SGMS1: variants seen among roughly 807,000 people sequenced by gnomAD.
The protein encoded by SGMS1 is phosphatidylcholine:ceramide cholinephosphotransferase 1.
In SGMS1, 13 loss-of-function variants were observed where a neutral mutation model predicts 46.2. The observed-to-expected ratio is 0.28, with a 90% confidence interval of 0.18 to 0.45. The LOEUF (loss-of-function observed/expected upper bound fraction) is 0.45. Among genes scored for constraint, SGMS1 ranks in the 20% least tolerant of loss-of-function variants. SGMS1 has a pLI of 1.00. For missense variants in SGMS1, 324 were observed against 519.9 expected (o/e 0.62, Z 3.66); for synonymous variants, 203 against 187.8 (o/e 1.08, Z -0.66).
At chr10:50,520,389 A>G (rs573247543) in intron 2 of SGMS1, among the ~76,000 whole-genome samples, 65 of 152,260 alleles carry the variant, frequency 4.3e-4, no homozygotes, top group African/African-American at 1.4e-3. Context: ...CTCAAAAAAA[A>G]AACTATTAAT....
Position 50,343,844 on chromosome 10 carries a change from T to C in SGMS1, c.271A>G (p.Ile91Val). ...ANGHLNIGVD[I>V]PTPDGSFSIK... ...CTGAAGCTGCCGTCGGGGGTGGGGA[T>C]GTCTACGCCAATGTTGAGGTGCCCA... The change falls in exon 7 of 11, where the codon ATC (isoleucine) becomes GTC (valine). Residue 91 changes from isoleucine to valine, a missense_variant. Ile to Val is a conservative substitution (Grantham distance 29). Transcript: ENST00000361781. 1.2e-6 allele frequency: 2 copies of C among 1,614,190 alleles called. No individual in the cohort carries two copies. The highest frequency in any genetic ancestry group is 2.2e-5 in the South Asian group (2 of 91,078).
chr10:50,343,842 G>A lies in SGMS1; in HGVS notation c.273C>T (p.Ile91=). The A allele has an allele frequency of 6.2e-7, 1 of 1,614,140 alleles. No homozygotes were observed. The highest frequency in any genetic ancestry group is 8.5e-7 in the Non-Finnish European group (1 of 1,180,030). ...TGCTGAAGCTGCCGTCGGGGGTGGG[G>A]ATGTCTACGCCAATGTTGAGGTGCC... The part of the protein sequence containing the change: ...ANGHLNIGVD[I]PTPDGSFSIK... Residue 91 remains isoleucine, a synonymous_variant, in exon 7 of 11, where the codon ATC becomes ATT. Transcript: ENST00000361781.
chr10:50,598,439 C>A (rs1472745372), intron 1 of SGMS1, among the ~76,000 whole-genome samples: 1 of 151,950 alleles, frequency 6.6e-6, no homozygotes, highest in Non-Finnish European at 1.5e-5. Context: ...TATACACTTC[C>A]AAAAAGTGAA....
chr10:50,528,141 C>T, intron 2 of SGMS1, among the ~76,000 whole-genome samples: 1 of 152,130 alleles, frequency 6.6e-6, no homozygotes, highest in South Asian at 2.1e-4. Flanking sequence ...AAAAAGTATG[C>T]AACTTACAGG....
chr10:50,609,883 A>G (rs1050956105), intron 1 of SGMS1, among the ~76,000 whole-genome samples: 4 of 152,028 alleles, frequency 2.6e-5, no homozygotes, highest in Non-Finnish European at 4.4e-5. Flanking sequence ...GCTACTATGG[A>G]CTTCTCAAGC....
At chr10:50,519,262 AG>A (rs1489988285) in intron 3 of SGMS1, among the ~76,000 whole-genome samples, 1 of 152,220 alleles carries the variant, frequency 6.6e-6, no homozygotes, top group African/African-American at 2.4e-5. Flanking sequence ...CGATAACACT[AG>A]AGACACTGTT....
At chr10:50,341,494 G>A (rs554932778) in intron 7 of SGMS1, 69 of 451,860 alleles carry the variant, frequency 1.5e-4, no homozygotes, top group African/African-American at 1.1e-3. Flanking sequence ...GGACACAAAC[G>A]CTCTGAAGCT....
intron 1 of SGMS1, among the ~76,000 whole-genome samples, chr10:50,617,537 A>T (rs572497269): frequency 1.3e-5 from 2 of 152,296 alleles, no homozygotes; most frequent in African/African-American, 4.8e-5. Flanking sequence ...TACACTTTGA[A>T]TGGATTTAGT....
chr10:50,318,322 A>G (rs964072736), intron 8 of SGMS1, among the ~76,000 whole-genome samples: 1 of 152,188 alleles, frequency 6.6e-6, no homozygotes, highest in Non-Finnish European at 1.5e-5. Flanking sequence ...TAGACAAACC[A>G]TTTTACCATC....
chr10:50,398,903 T>A (rs558480324), intron 6 of SGMS1, among the ~76,000 whole-genome samples: 1 of 152,168 alleles, frequency 6.6e-6, no homozygotes, highest in Admixed American at 6.5e-5. Context: ...AGAAAAGAAA[T>A]ACTACTTATG....
intron 2 of SGMS1, among the ~76,000 whole-genome samples, chr10:50,554,444 T>C (rs1464155314): frequency 6.6e-6 from 1 of 152,212 alleles, no homozygotes; most frequent in Non-Finnish European, 1.5e-5. Context: ...CTTTAAAATA[T>C]GAGTTGTAAA....
chr10:50,513,174 T>C (rs1044099921), intron 3 of SGMS1, among the ~76,000 whole-genome samples: 1 of 152,212 alleles, frequency 6.6e-6, no homozygotes, highest in Non-Finnish European at 1.5e-5. Flanking sequence ...TTATACTCTC[T>C]CTGTCCTCAC....
intron 3 of SGMS1, among the ~76,000 whole-genome samples, chr10:50,510,188 A>T (rs1027099226): frequency 6.6e-6 from 1 of 152,220 alleles, no homozygotes; most frequent in South Asian, 2.1e-4. Context: ...TTCACATAAC[A>T]TAATGCGTTT....
chr10:50,337,824 C>A (rs1488991943), intron 7 of SGMS1, among the ~76,000 whole-genome samples: 2 of 150,890 alleles, frequency 1.3e-5, no homozygotes, highest in African/African-American at 4.9e-5. Flanking sequence ...TTGGCTGATA[C>A]CCACTTAACA....
intron 2 of SGMS1, among the ~76,000 whole-genome samples, chr10:50,579,890 A>T (rs1301729022): frequency 6.6e-6 from 1 of 152,236 alleles, no homozygotes; most frequent in Non-Finnish European, 1.5e-5. Context: ...AGGCCTAGAG[A>T]GCAAGTAGTC....
intron 5 of SGMS1, among the ~76,000 whole-genome samples, chr10:50,447,952 G>A (rs887786801): frequency 1.3e-5 from 2 of 152,104 alleles, no homozygotes; most frequent in Non-Finnish European, 2.9e-5. Flanking sequence ...TCCACAGCTG[G>A]TTCAACTGGG....
intron 1 of SGMS1, among the ~76,000 whole-genome samples, chr10:50,609,088 G>A (rs957510256): frequency 6.6e-6 from 1 of 152,126 alleles, no homozygotes; most frequent in Non-Finnish European, 1.5e-5. Context: ...AGGCTCAAGC[G>A]ATCCTCCCAC....
intron 8 of SGMS1, among the ~76,000 whole-genome samples, chr10:50,320,317 T>C (rs1227524359): frequency 6.6e-6 from 1 of 152,212 alleles, no homozygotes; most frequent in Non-Finnish European, 1.5e-5. Flanking sequence ...TCAGTACCTA[T>C]AAGACATTAG....
At chr10:50,316,027 G>A (rs932758379) in intron 8 of SGMS1, among the ~76,000 whole-genome samples, 3 of 152,178 alleles carry the variant, frequency 2.0e-5, no homozygotes, top group African/African-American at 7.2e-5. Context: ...GAAAGACACA[G>A]GTTTCCCAGT....
Sources: gnomAD v4.1 joint callset for allele counts (sites outside exome capture counted in the v4.1 genomes callset) on GRCh38, gnomAD v4.1.1 for gene constraint, MANE v1.5 for transcripts, NCBI Gene and HGNC (gene_info 2026-07-23, HGNC 2026-07-21) for gene names.